Variants in RBFOX3 observed in about 807,000 individuals in gnomAD.
The protein encoded by RBFOX3 is RNA binding fox-1 homolog 3, also known as RNA binding protein fox-1 homolog 3.
In RBFOX3, 17 loss-of-function variants were observed where a neutral mutation model predicts 48.7. The ratio of observed to expected loss-of-function variants is 0.35; its 90% CI spans 0.24 to 0.52. The LOEUF is 0.52. Among genes scored for constraint, RBFOX3 ranks in the 20% least tolerant of loss-of-function variants. RBFOX3 has a pLI of 0.94. For synonymous variants in RBFOX3, 212 were observed against 209.5 expected (o/e 1.01, Z -0.10); for missense variants, 382 against 497.5 (o/e 0.77, Z 2.21).
At chr17:79,282,176 T>G (rs2144469790) in intron 3 of RBFOX3, among the ~76,000 whole-genome samples, 1 of 152,092 alleles carries the variant, frequency 6.6e-6, no homozygotes, top group South Asian at 2.1e-4. Flanking sequence ...GGGATGGGCA[T>G]GGGGAGCTAT....
At chr17:79,334,253 G>A (rs573710318) in intron 2 of RBFOX3, among the ~76,000 whole-genome samples, 40 of 152,248 alleles carry the variant, frequency 2.6e-4, no homozygotes, top group African/African-American at 9.4e-4. Context: ...ACCCAGAGAT[G>A]TGCCCCAGGT....
intron 2 of RBFOX3, among the ~76,000 whole-genome samples, chr17:79,457,870 G>A (rs138307066): frequency 3.6e-4 from 55 of 152,310 alleles, no homozygotes; most frequent in African/African-American, 9.6e-4. Context: ...CCAGCACAAC[G>A]GCAGAAAGAA....
At chr17:79,370,829 C>T (rs2058437678) in intron 2 of RBFOX3, among the ~76,000 whole-genome samples, 1 of 152,126 alleles carries the variant, frequency 6.6e-6, no homozygotes, top group Non-Finnish European at 1.5e-5. Context: ...CAAGCTCACT[C>T]ACATATGCAC....
chr17:79,656,036 C>A, the RBFOX3 span, among the ~76,000 whole-genome samples: 31 of 152,280 alleles, frequency 2.0e-4, no homozygotes, highest in African/African-American at 7.5e-4. Context: ...GGCTGGGCTC[C>A]CCGTCCCTGC....
intron 2 of RBFOX3, among the ~76,000 whole-genome samples, chr17:79,412,228 GTGT>G (rs144481559): frequency 0.084 from 12,779 of 151,714 alleles, 694 homozygotes; most frequent in Non-Finnish European, 0.13. Flanking sequence ...ATGTATGCAT[GTGT>G]TGTGTGTGAT....
At chr17:79,213,944 A>G (rs942861854) in intron 4 of RBFOX3, among the ~76,000 whole-genome samples, 1 of 152,210 alleles carries the variant, frequency 6.6e-6, no homozygotes. Context: ...AAGCCAAGAC[A>G]TCGCGTGCTG....
chr17:79,367,853 CTG>C (rs1193208383), intron 2 of RBFOX3, among the ~76,000 whole-genome samples: 2 of 152,204 alleles, frequency 1.3e-5, no homozygotes, highest in African/African-American at 2.4e-5. Context: ...AAGGCAGACA[CTG>C]TGGACAATCC....
chr17:79,430,322 A>G (rs2068201804), intron 2 of RBFOX3, among the ~76,000 whole-genome samples: 1 of 149,914 alleles, frequency 6.7e-6, no homozygotes, highest in South Asian at 2.1e-4. Flanking sequence ...GATAAGAAAA[A>G]AAGTAGAAAA....
intron 2 of RBFOX3, among the ~76,000 whole-genome samples, chr17:79,369,465 A>G (rs1203686513): frequency 2.0e-5 from 3 of 151,986 alleles, no homozygotes; most frequent in African/African-American, 7.2e-5. Context: ...AAATGGCCTT[A>G]GCAAGACAGG....
intron 2 of RBFOX3, among the ~76,000 whole-genome samples, chr17:79,359,478 G>A (rs573656651): frequency 6.6e-6 from 1 of 152,298 alleles, no homozygotes; most frequent in South Asian, 2.1e-4. Flanking sequence ...ATATTTTGCT[G>A]AAGGTGAGGC....
At chr17:79,438,507 T>C (rs1455327561) in intron 2 of RBFOX3, among the ~76,000 whole-genome samples, 1 of 152,250 alleles carries the variant, frequency 6.6e-6, no homozygotes, top group Non-Finnish European at 1.5e-5. Context: ...AACGCTGATC[T>C]GGCTCTCCTG....
intron 4 of RBFOX3, among the ~76,000 whole-genome samples, chr17:79,158,493 C>CA (rs2046297690): frequency 1.3e-5 from 2 of 152,190 alleles, no homozygotes; most frequent in African/African-American, 4.8e-5. Flanking sequence ...CCCCACGACT[C>CA]AGAGGCCGGG....
intron 4 of RBFOX3, among the ~76,000 whole-genome samples, chr17:79,182,142 C>T (rs976945380): frequency 3.3e-5 from 5 of 152,146 alleles, no homozygotes; most frequent in African/African-American, 9.7e-5. Context: ...TCTCCAGTCT[C>T]GAAGCCCCCA....
At chr17:79,550,781 GTGGA>G (rs1568407090) in intron 1 of RBFOX3, among the ~76,000 whole-genome samples, 4 of 151,474 alleles carry the variant, frequency 2.6e-5, no homozygotes, top group South Asian at 2.2e-4. Context: ...GCGTGGGTGG[GTGGA>G]TGGATGGATG....
rs1172809972 is a variant in RBFOX3 at position 79,205,507 on chromosome 17, C to A, written c.-34+30259G>T. Among the ~76,000 whole-genome samples the A allele has an allele frequency of 1.3e-5, 2 of 152,094 alleles. No individual in the cohort carries two copies. The highest frequency in any genetic ancestry group is 4.8e-5 in the African/African-American group (2 of 41,396). ...GGAGCCTATAAAACCTCCCTAACCC[C>A]CAGCTAAGACAGGAAATCAGAAAAA... On this transcript the variant is annotated intron_variant, in intron 4 of 14. Transcript: ENST00000693108. The surrounding 1 kb of genome is among the most constrained non-coding windows in gnomAD (Gnocchi z 4.5).
At chr17:79,631,487 C>T in the RBFOX3 span, among the ~76,000 whole-genome samples, 1 of 152,140 alleles carries the variant, frequency 6.6e-6, no homozygotes, top group African/African-American at 2.4e-5. Flanking sequence ...GGGACTAGGT[C>T]CTCCCAGACC....
At position 79,535,637 on chromosome 17, in the gene RBFOX3, G is replaced by T. The variant is rs2088590497; in HGVS notation, c.-319-53039C>A. On this transcript the variant is annotated intron_variant, in intron 1 of 14. Transcript: ENST00000693108. The surrounding 1 kb of genome is among the most constrained non-coding windows in gnomAD (Gnocchi z 4.5). Reference sequence around the variant, plus strand: ...CCAGACCACATTCTGGGCGGACAAGGCAGGATAGCCAGCCCACAAAGACAC... The same window carrying T: ...CCAGACCACATTCTGGGCGGACAAGTCAGGATAGCCAGCCCACAAAGACAC... 6.6e-6 allele frequency among the ~76,000 whole-genome samples: 1 copy of T among 152,178 alleles called. No homozygotes were observed. Among genetic ancestry groups the T allele is most frequent in the Non-Finnish European group, 1.5e-5 (1 of 68,034 alleles).
chr17:79,565,531 G>A (rs2092424859), intron 1 of RBFOX3, among the ~76,000 whole-genome samples: 1 of 151,948 alleles, frequency 6.6e-6, no homozygotes, highest in African/African-American at 2.4e-5. Flanking sequence ...AGTAAAGATG[G>A]GGTTTCACCA....
In RBFOX3 at chr17:79,477,833, C is replaced by T. The variant is rs1179365135; in HGVS notation, c.-175+4621G>A. ...TTTTTAGGACCCAAGTCTCCAAAGA[C>T]TGGCTCAAACTAAAGTCTTCTCATT... On this transcript the variant is annotated intron_variant, in intron 2 of 14. Coordinates refer to ENST00000693108, the MANE Select transcript of RBFOX3 (RefSeq NM_001350451.2). This position sits in a 1 kb window ranked among gnomAD's most constrained non-coding sequence, Gnocchi z 4.8. Among the ~76,000 whole-genome samples, 1 of 152,168 alleles carries T rather than the reference C, an allele frequency of 6.6e-6. No individual in the cohort carries two copies. Among genetic ancestry groups the T allele is most frequent in the Non-Finnish European group, 1.5e-5 (1 of 68,018 alleles).
Sources: allele counts gnomAD v4.1 joint callset (sites outside exome capture counted in the v4.1 genomes callset), GRCh38; gene constraint gnomAD v4.1.1; non-coding constraint Gnocchi (gnomAD v3.1); transcripts MANE v1.5; gene names NCBI Gene and HGNC (gene_info 2026-07-23, HGNC 2026-07-21).